AGBL4: variants seen among roughly 807,000 people sequenced by gnomAD.
AGBL4 encodes the protein cytosolic carboxypeptidase 6.
A neutral mutation model predicts 66.4 loss-of-function variants in AGBL4; 58 were observed. The observed-to-expected ratio is 0.87, with a 90% CI of 0.71 to 1.09. AGBL4 has a LOEUF of 1.09. Ranked by LOEUF, AGBL4 falls within the 50% of genes least tolerant of loss-of-function variation. AGBL4 has a pLI of 0.00. For synonymous variants in AGBL4, 234 were observed against 222.9 expected, an observed-to-expected ratio of 1.05 and a Z score of -0.44; for missense variants, 579 against 631.0, an observed-to-expected ratio of 0.92 and a Z score of 0.88.
intron 5 of AGBL4, among the ~76,000 whole-genome samples, chr1:49,028,530 A>C (rs1468195541): frequency 1.3e-5 from 2 of 152,222 alleles, no homozygotes; most frequent in Admixed American, 1.3e-4. Context: ...CATAGTCAAA[A>C]TGATGAAAGC....
intron 5 of AGBL4, among the ~76,000 whole-genome samples, chr1:49,003,894 T>C (rs1310608437): frequency 6.6e-6 from 1 of 152,190 alleles, no homozygotes; most frequent in African/African-American, 2.4e-5. Flanking sequence ...CCATTGCTGG[T>C]TCCCTACAAG....
chr1:49,236,066 G>C, intron 4 of AGBL4, among the ~76,000 whole-genome samples: 1 of 151,792 alleles, frequency 6.6e-6, no homozygotes, highest in Admixed American at 6.6e-5. Flanking sequence ...GTCTCACTCT[G>C]TCACCCAGGC....
chr1:49,073,420 T>G (rs929388814), intron 4 of AGBL4, among the ~76,000 whole-genome samples: 1 of 152,200 alleles, frequency 6.6e-6, no homozygotes, highest in Admixed American at 6.5e-5. Context: ...GGTGACCTAC[T>G]GATGAGGTTT....
chr1:48,877,499 T>A (rs1419465355), intron 5 of AGBL4, among the ~76,000 whole-genome samples: 2 of 152,106 alleles, frequency 1.3e-5, no homozygotes, highest in Non-Finnish European at 2.9e-5. Flanking sequence ...ATTCTGTTTC[T>A]TTACATATTT....
At position 49,715,937 on chromosome 1, in the gene AGBL4, C is replaced by A. The variant is rs528797433; in HGVS notation, c.158-18500G>T. Among the ~76,000 whole-genome samples the A allele has an allele frequency of 7.2e-5, 11 of 152,218 alleles. No homozygotes were observed. The South Asian group carries it at 2.1e-3, about 29-fold the overall frequency. On this transcript the variant is annotated intron_variant, in intron 2 of 13. Transcript: ENST00000371839. ...TCTGATGATAGTTGATTTTGCTGTGCAGAAGCTCTTTAGTTTAATTAGATC... is the reference window on the plus strand; with the variant it reads ...TCTGATGATAGTTGATTTTGCTGTGAAGAAGCTCTTTAGTTTAATTAGATC...
At chr1:48,846,399 A>AAGAAAG (rs1553243648) in intron 6 of AGBL4, among the ~76,000 whole-genome samples, 106 of 151,650 alleles carry the variant, frequency 7.0e-4, no homozygotes, top group Non-Finnish European at 1.3e-3. Flanking sequence ...GAAAGAAAGA[A>AAGAAAG]AGAAAGAAAG....
intron 3 of AGBL4, among the ~76,000 whole-genome samples, chr1:49,264,232 A>G (rs538872600): frequency 2.6e-4 from 40 of 152,232 alleles, no homozygotes; most frequent in African/African-American, 9.6e-4. Context: ...AGATGACAAA[A>G]TGTTAATATC....
At chr1:49,058,845 G>T (rs1439455688) in intron 4 of AGBL4, among the ~76,000 whole-genome samples, 1 of 152,220 alleles carries the variant, frequency 6.6e-6, no homozygotes, top group Non-Finnish European at 1.5e-5. Context: ...GTTATGCAAA[G>T]AGACTGGTGG....
intron 11 of AGBL4, among the ~76,000 whole-genome samples, chr1:48,574,043 T>C (rs1644610720): frequency 1.3e-5 from 2 of 152,254 alleles, no homozygotes; most frequent in African/African-American, 4.8e-5. Context: ...CCAAAGACTA[T>C]GCTTGCTTCA....
intron 2 of AGBL4, among the ~76,000 whole-genome samples, chr1:49,777,770 G>A (rs1375935356): frequency 1.3e-5 from 2 of 152,052 alleles, no homozygotes; most frequent in Non-Finnish European, 2.9e-5. Context: ...CGGGAATGGT[G>A]GTATGTGGAT....
intron 4 of AGBL4, among the ~76,000 whole-genome samples, chr1:49,222,353 G>A (rs1649564017): frequency 6.6e-6 from 1 of 150,804 alleles, no homozygotes; most frequent in African/African-American, 2.4e-5. Context: ...CAATCAGAAA[G>A]GCCATGGGGC....
intron 5 of AGBL4, among the ~76,000 whole-genome samples, chr1:48,870,275 T>C (rs1648521346): frequency 6.6e-6 from 1 of 151,990 alleles, no homozygotes; most frequent in African/African-American, 2.4e-5. Context: ...TCATGTACTG[T>C]CTTCCTTGTC....
At chr1:49,944,258 A>G (rs1183509870) in intron 1 of AGBL4, among the ~76,000 whole-genome samples, 1 of 152,142 alleles carries the variant, frequency 6.6e-6, no homozygotes, top group Non-Finnish European at 1.5e-5. Context: ...TAGAAATAGT[A>G]CATTAAACAA....
rs141134676 is a variant in AGBL4 at position 48,745,642 on chromosome 1, A to T, written c.635-82401T>A. 3.9e-5 allele frequency among the ~76,000 whole-genome samples: 6 copies of T among 152,216 alleles called. No individual in the cohort carries two copies. The East Asian group carries it at 1.2e-3, about 29-fold the overall frequency. On this transcript the variant is annotated intron_variant, in intron 6 of 13. Transcript: ENST00000371839. ...ACCCCTAGAGATGTCCACCTATACA[A>T]ACTCCACCAGTGATGCAAGGCCTGA...
intron 9 of AGBL4, among the ~76,000 whole-genome samples, chr1:48,594,881 T>C (rs762830593): frequency 5.9e-5 from 9 of 152,058 alleles, no homozygotes; most frequent in Admixed American, 2.0e-4. Context: ...CCACATTCTC[T>C]CTTGCCCTTC....
intron 6 of AGBL4, among the ~76,000 whole-genome samples, chr1:48,837,711 C>CACTATATATATATATA (rs1471719980): frequency 6.1e-5 from 5 of 82,312 alleles, no homozygotes; most frequent in African/African-American, 1.8e-4. Flanking sequence ...CACACACACA[C>CACTATATATATATATA]TATATATATA....
At chr1:48,766,018 G>A (rs1372954570) in intron 6 of AGBL4, among the ~76,000 whole-genome samples, 1 of 152,052 alleles carries the variant, frequency 6.6e-6, no homozygotes, top group African/African-American at 2.4e-5. Context: ...AGAACTTTAG[G>A]AATATACCAA....
At chr1:48,953,203 C>G (rs548722483) in intron 5 of AGBL4, among the ~76,000 whole-genome samples, 429 of 152,238 alleles carry the variant, frequency 2.8e-3, no homozygotes, top group Non-Finnish European at 4.3e-3. Flanking sequence ...AGGCTTAAGG[C>G]TAAACTCCAT....
intron 6 of AGBL4, among the ~76,000 whole-genome samples, chr1:48,668,549 C>A (rs1466051412): frequency 6.6e-6 from 1 of 152,120 alleles, no homozygotes; most frequent in Admixed American, 6.5e-5. Flanking sequence ...TCTCCCACAC[C>A]TCCACACTGG....
Sources: gnomAD v4.1 joint callset for allele counts (sites outside exome capture counted in the v4.1 genomes callset) on GRCh38, gnomAD v4.1.1 for gene constraint, MANE v1.5 for transcripts, NCBI Gene and HGNC (gene_info 2026-07-23, HGNC 2026-07-21) for gene names.